The following EVC2 variants were observed in gnomAD, a reference collection of about 807,000 sequenced individuals.
EVC2 encodes EvC ciliary complex subunit 2.
A neutral mutation model predicts 149.3 loss-of-function variants in EVC2; 148 were observed. The observed-to-expected ratio is 0.99, with a 90% CI of 0.87 to 1.14. The LOEUF is 1.14. EVC2 is among the 50% of genes most tolerant of loss of function. The probability of loss-of-function intolerance (pLI) is 0.00; values close to 1 mark genes in which losing one functional copy is unlikely to be tolerated. For synonymous variants in EVC2, 776 were observed against 649.9 expected (o/e 1.19, Z -2.95); for missense variants, 1,854 against 1,627.3 (o/e 1.14, Z -2.40).
chr4:5,633,992 G>C lies in EVC2; in HGVS notation c.1471-1960C>G, dbSNP rs1337641587. 2.0e-5 allele frequency among the ~76,000 whole-genome samples: 3 copies of C among 152,154 alleles called. No individual in the cohort carries two copies. The highest frequency in any genetic ancestry group is 6.5e-5 in the Admixed American group (1 of 15,280). On this transcript the variant is annotated intron_variant, in intron 10 of 21. Coordinates refer to ENST00000344408, the MANE Select transcript of EVC2 (RefSeq NM_147127.5). This position sits in a 1 kb window ranked among gnomAD's most constrained non-coding sequence, Gnocchi z 4.4. The stretch of plus-strand genomic sequence containing the variant: ...GGGCCAGAAAGACAAGCATTATTTA[G>C]AGCCTTCTAAAGAGGTCCAAGGGCC...
intron 11 of EVC2, among the ~76,000 whole-genome samples, chr4:5,631,569 G>A (rs112417127): frequency 8.1e-6 from 1 of 123,896 alleles, no homozygotes; most frequent in Admixed American, 8.0e-5. Flanking sequence ...CAGTAGACTG[G>A]GGGGGGGAAC....
rs370438593 is a variant in EVC2 at position 5,576,421 on chromosome 4, G to T, written c.3091C>A (p.Gln1031Lys). The change falls in exon 18 of 22, where the codon CAG becomes AAG. Residue 1031 changes from glutamine to lysine, a missense_variant. By Grantham distance (53) the Gln-to-Lys change is moderately conservative (BLOSUM62 1). Transcript: ENST00000344408. The surrounding 1 kb of genome is among the most constrained non-coding windows in gnomAD (Gnocchi z 4.5). ...LQELERKLED[Q>K]LVQQEAAQQQ... ...TGGGCTGCCTCCTGCTGCACCAGCT[G>T]GTCCTCCAGCTTCCTCTCCAACTCC... The T allele has an allele frequency of 2.5e-6, 4 of 1,610,066 alleles. No homozygotes were observed. The highest frequency in any genetic ancestry group is 1.6e-4 in the Middle Eastern group (1 of 6,084).
At chr4:5,557,599 G>C (rs1233981788), downstream of EVC2, among the ~76,000 whole-genome samples, 101 of 152,006 alleles carry the variant, frequency 6.6e-4, 2 homozygotes, top group Admixed American at 6.6e-3. Context: ...AAATTGGAAA[G>C]GAATAAATAA....
chr4:5,592,833 C>G (rs1005521269), intron 16 of EVC2, among the ~76,000 whole-genome samples: 1 of 152,168 alleles, frequency 6.6e-6, no homozygotes, highest in African/African-American at 2.4e-5. Context: ...ACAGCCCGCC[C>G]CAAGGGAAGA....
chr4:5,644,780 A>G (rs913124320), intron 9 of EVC2, among the ~76,000 whole-genome samples: 11 of 152,096 alleles, frequency 7.2e-5, no homozygotes, highest in Non-Finnish European at 1.2e-4. Flanking sequence ...AACATGTCAT[A>G]TTTGTCTTTC....
chr4:5,684,400 A>G (rs990084208), intron 6 of EVC2, among the ~76,000 whole-genome samples: 1 of 152,166 alleles, frequency 6.6e-6, no homozygotes, highest in East Asian at 1.9e-4. Flanking sequence ...GCAGGGTACA[A>G]TCTGATTCTG....
rs190954199 is a variant in EVC2, at chr4:5,625,277, T to G, written c.2046+472A>C. 1.3e-5 allele frequency among the ~76,000 whole-genome samples: 2 copies of G among 150,862 alleles called. No homozygotes were observed. Among genetic ancestry groups the G allele is most frequent in the South Asian group, 2.1e-4 (1 of 4,736 alleles). On this transcript the variant is annotated intron_variant, in intron 13 of 21. Coordinates refer to ENST00000344408, the MANE Select transcript of EVC2 (RefSeq NM_147127.5). The surrounding 1 kb of genome is among the most constrained non-coding windows in gnomAD (Gnocchi z 4.0). ...AGAGTCCCCAAATACATGCCATGCGTGCCACTTACTAGATATTTGACCTTG... is the reference window on the plus strand; with the variant it reads ...AGAGTCCCCAAATACATGCCATGCGGGCCACTTACTAGATATTTGACCTTG...
At position 5,633,602 on chromosome 4, in the gene EVC2, G is replaced by A. The variant is rs1165258264; in HGVS notation, c.1471-1570C>T. Among the ~76,000 whole-genome samples the A allele has an allele frequency of 6.6e-6, 1 of 152,212 alleles. No homozygotes were observed. The highest frequency in any genetic ancestry group is 1.5e-5 in the Non-Finnish European group (1 of 68,040). On this transcript the variant is annotated intron_variant, in intron 10 of 21. Coordinates refer to ENST00000344408, the MANE Select transcript of EVC2 (RefSeq NM_147127.5). The surrounding 1 kb of genome is among the most constrained non-coding windows in gnomAD (Gnocchi z 4.4). ...GAAGCGAAGGCAGGGAAAGGCTTAC[G>A]CGTGCAGGATGCGTGGGTACAGCCA...
At chr4:5,624,161 G>A (rs16837508) in intron 13 of EVC2, among the ~76,000 whole-genome samples, 9,308 of 152,166 alleles carry the variant, frequency 0.061, 824 homozygotes, top group African/African-American at 0.2. Context: ...GGGAGAAAAA[G>A]CAGTTGGTGC....
downstream of EVC2, among the ~76,000 whole-genome samples, chr4:5,561,379 C>T (rs564862250): frequency 6.6e-6 from 1 of 152,316 alleles, no homozygotes; most frequent in East Asian, 1.9e-4. Context: ...TCTGTTCTCA[C>T]TCGAGGCCCA....
intron 9 of EVC2, among the ~76,000 whole-genome samples, chr4:5,655,391 G>A (rs1050268509): frequency 4.6e-5 from 7 of 152,280 alleles, no homozygotes; most frequent in East Asian, 1.9e-4. Flanking sequence ...GGGCTGGAGT[G>A]AGGAGGGATT....
chr4:5,599,203 A>T (rs6823475), intron 16 of EVC2, among the ~76,000 whole-genome samples: 37 of 149,946 alleles, frequency 2.5e-4, no homozygotes, highest in African/African-American at 7.7e-4. Flanking sequence ...CCATTTGACC[A>T]GGCCATCCCA....
chr4:5,703,995 C>T (rs969583220), intron 1 of EVC2, among the ~76,000 whole-genome samples: 2 of 152,074 alleles, frequency 1.3e-5, no homozygotes, highest in African/African-American at 2.4e-5. Flanking sequence ...GGAACACACC[C>T]AGGGTGTTCA....
intron 9 of EVC2, among the ~76,000 whole-genome samples, chr4:5,650,667 A>C (rs1284365579): frequency 7.0e-6 from 1 of 142,814 alleles, no homozygotes; most frequent in South Asian, 2.3e-4. Context: ...AGAGAGAGAG[A>C]GAGAGCCATT....
the EVC2 span, among the ~76,000 whole-genome samples, chr4:5,537,751 C>T: frequency 6.6e-6 from 1 of 151,936 alleles, no homozygotes; most frequent in East Asian, 1.9e-4. Context: ...GAACTCAGTC[C>T]GGAACTGACA....
chr4:5,556,917 A>G (rs1170225323), intron 21 of EVC2, among the ~76,000 whole-genome samples: 1 of 100,952 alleles, frequency 9.9e-6, no homozygotes, highest in Non-Finnish European at 2.6e-5. Flanking sequence ...TATCTATTAA[A>G]TAAACAATCT....
At chr4:5,593,681 C>T (rs1713064144) in intron 16 of EVC2, among the ~76,000 whole-genome samples, 1 of 152,140 alleles carries the variant, frequency 6.6e-6, no homozygotes, top group Non-Finnish European at 1.5e-5. Flanking sequence ...ATCTGAGGTA[C>T]CGGGATCATC....
chr4:5,568,429 C>T lies in EVC2; in HGVS notation c.3557+15G>A, dbSNP rs1722438316. ...AGGGACGTGCCCCGGGAGGCAGCCC[C>T]TCCACGGCACTCACCTCCGCCTGCC... On this transcript the variant is annotated intron_variant, in intron 20 of 21. Transcript: ENST00000344408. 1.3e-6 allele frequency: 2 copies of T among 1,543,648 alleles called. No individual in the cohort carries two copies. The highest frequency in any genetic ancestry group is 2.4e-5 in the South Asian group (2 of 84,266).
intron 9 of EVC2, among the ~76,000 whole-genome samples, chr4:5,642,010 A>G (rs1264036769): frequency 4.0e-5 from 6 of 151,756 alleles, no homozygotes; most frequent in Non-Finnish European, 7.4e-5. Context: ...TCATTGTTCA[A>G]CTCCCACTTA....
Sources: gnomAD v4.1 joint callset for allele counts (sites outside exome capture counted in the v4.1 genomes callset) on GRCh38, gnomAD v4.1.1 for gene constraint, Gnocchi (gnomAD v3.1) non-coding constraint, MANE v1.5 for transcripts, NCBI Gene and HGNC (gene_info 2026-07-23, HGNC 2026-07-21) for gene names.